The following TRAPPC8 variants were observed in gnomAD, a reference collection of about 807,000 sequenced individuals.
TRAPPC8 encodes trafficking protein particle complex subunit 8.
TRAPPC8 carries 54 observed loss-of-function variants against 174.3 expected under a neutral mutation model. That is an observed-to-expected ratio of 0.31 (90% CI 0.25 to 0.39). TRAPPC8 has a LOEUF of 0.39. Among genes scored for constraint, TRAPPC8 ranks in the 10% least tolerant of loss-of-function variants. The pLI, the probability that TRAPPC8 is intolerant of heterozygous loss-of-function variation, is 1.00. For synonymous variants in TRAPPC8, 630 were observed against 579.9 expected, an observed-to-expected ratio of 1.09 and a Z score of -1.24; for missense variants, 1,531 against 1,699.1, an observed-to-expected ratio of 0.90 and a Z score of 1.74.
At chr18:31,897,985 A>C (rs1037808025) in intron 10 of TRAPPC8, 94 bp from the exon 11 acceptor site, 3 of 1,127,860 alleles carry the variant, frequency 2.7e-6, no homozygotes, top group Non-Finnish European at 3.8e-6. Context: ...TTACAGTTTT[A>C]GAGGATAGTT....
At chr18:31,865,121 G>C (rs1162666957) in intron 18 of TRAPPC8, among the ~76,000 whole-genome samples, 1 of 151,922 alleles carries the variant, frequency 6.6e-6, no homozygotes, top group African/African-American at 2.4e-5. Context: ...ATTTAATTTA[G>C]GCCATGAGAA....
chr18:31,851,552 G>C (rs867696120), intron 24 of TRAPPC8, among the ~76,000 whole-genome samples: 1 of 150,266 alleles, frequency 6.7e-6, no homozygotes, highest in African/African-American at 2.5e-5. Flanking sequence ...GTCTTGCCTT[G>C]GTCTCTGACA....
chr18:31,833,831 G>A (rs948906782), intron 27 of TRAPPC8, among the ~76,000 whole-genome samples: 11 of 151,734 alleles, frequency 7.2e-5, no homozygotes, highest in African/African-American at 1.2e-4. Context: ...GTGAAACCCC[G>A]TCTTTACTAA....
At chr18:31,858,969 T>G (rs1275829616) in intron 19 of TRAPPC8, among the ~76,000 whole-genome samples, 3 of 152,084 alleles carry the variant, frequency 2.0e-5, no homozygotes, top group African/African-American at 7.2e-5. Flanking sequence ...GCCGCACGCC[T>G]GTGGTTCCAG....
chr18:31,846,896 G>A, intron 25 of TRAPPC8, 79 bp from the exon 26 acceptor site: 1 of 1,017,996 alleles, frequency 9.8e-7, no homozygotes, highest in African/African-American at 1.6e-5. Flanking sequence ...TTGATAGAAA[G>A]TGGAAATAAT....
intron 12 of TRAPPC8, among the ~76,000 whole-genome samples, chr18:31,887,007 G>T (rs2035748344): frequency 6.6e-6 from 1 of 152,052 alleles, no homozygotes; most frequent in South Asian, 2.1e-4. Context: ...AATTCAGCAT[G>T]AATTCTCAAA....
chr18:31,866,709 T>G, intron 18 of TRAPPC8, 140 bp downstream of exon 18: 1 of 866,558 alleles, frequency 1.2e-6, no homozygotes, highest in Non-Finnish European at 1.6e-6. Flanking sequence ...AATCTAAATT[T>G]GTCATTCTTA....
At chr18:31,928,184 A>T (rs34966734) in intron 2 of TRAPPC8, among the ~76,000 whole-genome samples, 71,996 of 150,558 alleles carry the variant, frequency 0.48, 17,431 homozygotes, top group Middle Eastern at 0.66. Context: ...AAAATAAAAT[A>T]AAATTAAAAT....
intron 27 of TRAPPC8, among the ~76,000 whole-genome samples, chr18:31,837,324 TA>T (rs71175796): frequency 0.61 from 91,015 of 149,830 alleles, 27,782 homozygotes; most frequent in South Asian, 0.75. Flanking sequence ...CGTTACTATG[TA>T]AAAAAAAAAA....
intron 27 of TRAPPC8, among the ~76,000 whole-genome samples, chr18:31,836,880 G>A (rs556366165): frequency 3.3e-5 from 5 of 149,944 alleles, no homozygotes; most frequent in Non-Finnish European, 5.9e-5. Context: ...TCCTGCCTCA[G>A]CCTCCCAAGT....
Position 31,942,901 on chromosome 18 carries a change from CAAG to C in TRAPPC8, c.-140_-138del, listed in dbSNP as rs1325877655. The C allele has an allele frequency of 4.8e-6, 6 of 1,242,908 alleles. No homozygotes were observed. In the East Asian group the frequency reaches 1.3e-4, roughly 26 times the overall value. The allele number at this position is 1,242,908 out of a possible 1,614,324, so 77.0% of individuals were successfully genotyped here. A position where few individuals can be genotyped will look rare whatever the true frequency, so the allele number is the denominator to read the frequency against. The stretch of plus-strand genomic sequence containing the variant: ...CCCCGAACGCACTGGAGCCTAGAAA[CAAG>C]AAGGAACAGACGCCGCCGCTTCGGT... On this transcript the variant is annotated 5_prime_UTR_variant, in exon 1 of 29. Coordinates refer to ENST00000283351, the MANE Select transcript of TRAPPC8 (RefSeq NM_014939.5).
At chr18:31,874,398 T>C (rs753115399) in intron 13 of TRAPPC8, 82 bp downstream of exon 13, 2 of 1,362,638 alleles carry the variant, frequency 1.5e-6, no homozygotes, top group Non-Finnish European at 2.0e-6. Context: ...AATAAAACTA[T>C]CGTAAGATAT....
intron 11 of TRAPPC8, chr18:31,895,688 T>G (rs2036155527): frequency 6.6e-6 from 1 of 152,202 alleles, no homozygotes; most frequent in African/African-American, 2.4e-5. Flanking sequence ...AACCATAAAT[T>G]CTTTTTACAT....
At chr18:31,917,519 C>T in intron 3 of TRAPPC8, 59 bp downstream of exon 3, 2 of 1,489,956 alleles carry the variant, frequency 1.3e-6, no homozygotes, top group Non-Finnish European at 9.2e-7. Context: ...TTAACTATTT[C>T]TGAGATTAAT....
At chr18:31,893,368 T>A (rs897573627) in intron 11 of TRAPPC8, among the ~76,000 whole-genome samples, 1 of 148,982 alleles carries the variant, frequency 6.7e-6, no homozygotes, top group East Asian at 2.0e-4. Context: ...GCTCTCCTAG[T>A]ATTTGCTTCT....
At chr18:31,874,740 C>G in intron 12 of TRAPPC8, 36 bp from the exon 13 acceptor site, 2 of 1,562,470 alleles carry the variant, frequency 1.3e-6, no homozygotes, top group South Asian at 2.4e-5. Flanking sequence ...TATTATACTC[C>G]AAATTTGTTT....
At chr18:31,852,862 T>C (rs2033785232) in intron 22 of TRAPPC8, 199 bp from the exon 23 acceptor site, 1 of 565,118 alleles carries the variant, frequency 1.8e-6, no homozygotes, top group Admixed American at 3.0e-5. Context: ...AAAATACATA[T>C]CCATGTGTGC....
At chr18:31,916,504 C>G (rs1031518843) in intron 3 of TRAPPC8, 58 bp from the exon 4 acceptor site, 65 of 1,464,350 alleles carry the variant, frequency 4.4e-5, no homozygotes, top group Non-Finnish European at 5.5e-6. Flanking sequence ...AAATATTGTC[C>G]TACTGAGATA....
At chr18:31,882,887 T>G (rs1005781000) in intron 12 of TRAPPC8, among the ~76,000 whole-genome samples, 18 of 144,954 alleles carry the variant, frequency 1.2e-4, no homozygotes, top group African/African-American at 4.3e-4. Flanking sequence ...AGTACTGGGA[T>G]TACACGCATG....
Sources: gnomAD v4.1 joint callset for allele counts (sites outside exome capture counted in the v4.1 genomes callset) on GRCh38, gnomAD v4.1.1 for gene constraint, MANE v1.5 for transcripts, NCBI Gene and HGNC (gene_info 2026-07-23, HGNC 2026-07-21) for gene names.